The following VPS13A variants were observed in gnomAD, a reference collection of about 807,000 sequenced individuals.
VPS13A encodes intermembrane lipid transfer protein VPS13A.
A neutral mutation model predicts 390.9 loss-of-function variants in VPS13A; 264 were observed. The observed-to-expected ratio is 0.68, with a 90% confidence interval of 0.61 to 0.75. The LOEUF (loss-of-function observed/expected upper bound fraction) is 0.75. VPS13A is among the 30% of genes least tolerant of loss of function. The pLI is 0.00. For synonymous variants in VPS13A, 1,231 were observed against 1,227.1 expected (o/e 1.00, Z -0.07); for missense variants, 3,409 against 3,733.9 (o/e 0.91, Z 2.27).
intron 24 of VPS13A, among the ~76,000 whole-genome samples, chr9:77,275,167 C>T (rs1343174320): frequency 4.6e-5 from 7 of 152,006 alleles, no homozygotes; most frequent in African/African-American, 1.2e-4. Context: ...GTATAATCAT[C>T]GGCATTGGCA....
At chr9:77,303,963 G>C (rs1056556453) in intron 34 of VPS13A, among the ~76,000 whole-genome samples, 72 of 152,072 alleles carry the variant, frequency 4.7e-4, no homozygotes, top group Non-Finnish European at 2.1e-4. Context: ...ACTGCAAGAG[G>C]CTTTCCTCTT....
At position 77,207,446 on chromosome 9, in the gene VPS13A, AT is replaced by A. The variant is rs560231695; in HGVS notation, c.385+1373del. On this transcript the variant is annotated intron_variant, in intron 5 of 71. Coordinates refer to ENST00000360280, the MANE Select transcript of VPS13A (RefSeq NM_033305.3). ...ATGATGTACTATGAAGATTGACCCTATTTTTTCATCTTCTCTATATAGTTCT... is the reference window on the plus strand; with the variant it reads ...ATGATGTACTATGAAGATTGACCCTATTTTTCATCTTCTCTATATAGTTCT... Among the ~76,000 whole-genome samples the A allele has an allele frequency of 3.0e-4, 45 of 150,036 alleles. No homozygotes were observed. In the East Asian group the frequency reaches 8.4e-3, roughly 28 times the overall value.
intron 1 of VPS13A, among the ~76,000 whole-genome samples, chr9:77,187,793 A>T (rs975813791): frequency 6.6e-6 from 1 of 151,986 alleles, no homozygotes; most frequent in Admixed American, 6.6e-5. Flanking sequence ...GGTTTGATGT[A>T]TAAATTATTT....
At chr9:77,376,628 G>C (rs1210585495) in intron 67 of VPS13A, among the ~76,000 whole-genome samples, 2 of 152,170 alleles carry the variant, frequency 1.3e-5, no homozygotes, top group Non-Finnish European at 2.9e-5. Flanking sequence ...TCTTTTTAGG[G>C]AAAGGGTATT....
intron 29 of VPS13A, 93 bp downstream of exon 29, chr9:77,282,367 A>ATTCCCT (rs1310040646): frequency 1.3e-4 from 161 of 1,194,774 alleles, no homozygotes; most frequent in Non-Finnish European, 8.3e-5. Context: ...AACTTCAAAT[A>ATTCCCT]TTGGCTTCAG....
At chr9:77,305,099 C>G (rs1032617607) in intron 34 of VPS13A, among the ~76,000 whole-genome samples, 1 of 152,024 alleles carries the variant, frequency 6.6e-6, no homozygotes, top group Non-Finnish European at 1.5e-5. Context: ...CCACCGCGCC[C>G]GGCTAATTTT....
intron 52 of VPS13A, 78 bp from the exon 53 acceptor site, chr9:77,351,239 G>C: frequency 6.4e-7 from 1 of 1,550,414 alleles, no homozygotes; most frequent in Admixed American, 1.7e-5. Flanking sequence ...AAGAATTAAT[G>C]AAGTATTATT....
intron 69 of VPS13A, 127 bp from the exon 70 acceptor site, chr9:77,405,734 TAAG>T: frequency 1.7e-6 from 2 of 1,208,512 alleles, no homozygotes; most frequent in Non-Finnish European, 1.2e-6. Context: ...TTAAATTCAT[TAAG>T]AATATAGAAT....
intron 67 of VPS13A, among the ~76,000 whole-genome samples, chr9:77,375,549 A>G (rs890211167): frequency 6.6e-6 from 1 of 152,216 alleles, no homozygotes; most frequent in African/African-American, 2.4e-5. Context: ...TAATGATAAA[A>G]AGAACTAAGT....
At chr9:77,291,600 T>C (rs1232368375) in intron 31 of VPS13A, among the ~76,000 whole-genome samples, 2 of 152,150 alleles carry the variant, frequency 1.3e-5, no homozygotes, top group Non-Finnish European at 2.9e-5. Flanking sequence ...GCTCAGATTT[T>C]GCTCCGTGCT....
intron 1 of VPS13A, among the ~76,000 whole-genome samples, chr9:77,198,728 A>G (rs1468131879): frequency 6.6e-6 from 1 of 151,788 alleles, no homozygotes; most frequent in Non-Finnish European, 1.5e-5. Flanking sequence ...CAGTGGCGTG[A>G]TGTCGGCTCA....
At chr9:77,382,570 T>C (rs1833499780) in intron 68 of VPS13A, 2 of 1,131,082 alleles carry the variant, frequency 1.8e-6, no homozygotes, top group East Asian at 1.0e-4. Context: ...TGTTGTGGGG[T>C]TATTAAACCA....
Position 77,321,472 on chromosome 9 carries a change from C to CA in VPS13A, c.5575-18dup, listed in dbSNP as rs1158762965. ...ATTTTACACATTTCATTTTATTTAG[C>CA]ATAACTCTTTCTTATTAGGCATTTA... On this transcript the variant is annotated intron_variant, in intron 43 of 71. Coordinates refer to ENST00000360280, the MANE Select transcript of VPS13A (RefSeq NM_033305.3). 6.2e-7 allele frequency: 1 copy of CA among 1,612,754 alleles called. No homozygotes were observed. The highest frequency in any genetic ancestry group is 8.5e-7 in the Non-Finnish European group (1 of 1,179,202).
chr9:77,388,573 A>T (rs953044854), intron 68 of VPS13A, among the ~76,000 whole-genome samples: 8 of 152,116 alleles, frequency 5.3e-5, no homozygotes, highest in African/African-American at 1.9e-4. Context: ...GCTTTTGATG[A>T]ATCTTCTTCA....
In VPS13A at chr9:77,303,192, T is replaced by C. The variant is rs1212034243; in HGVS notation, c.3960+130T>C. 1.5e-5 allele frequency: 14 copies of C among 933,252 alleles called. No homozygotes were observed. The East Asian group carries it at 3.2e-4, about 22-fold the overall frequency. The allele number at this position is 933,252 out of a possible 1,614,324, so 57.8% of individuals were successfully genotyped here. A position where few individuals can be genotyped will look rare whatever the true frequency, so the allele number is the denominator to read the frequency against. Reference sequence around the variant, plus strand: ...TTGGTCAGAATTGAAATAGTGATTATATTAAACTAGAATTCATTTTAAAAT... The same window carrying C: ...TTGGTCAGAATTGAAATAGTGATTACATTAAACTAGAATTCATTTTAAAAT... On this transcript the variant is annotated intron_variant, in intron 34 of 71. Coordinates refer to ENST00000360280, the MANE Select transcript of VPS13A (RefSeq NM_033305.3).
intron 10 of VPS13A, among the ~76,000 whole-genome samples, chr9:77,217,966 A>G (rs1039412079): frequency 1.3e-5 from 2 of 151,664 alleles, no homozygotes; most frequent in African/African-American, 4.8e-5. Flanking sequence ...CCTCACCAAC[A>G]TGTGTCATTT....
At chr9:77,265,787 A>G (rs11521835) in intron 23 of VPS13A, among the ~76,000 whole-genome samples, 11,352 of 150,606 alleles carry the variant, frequency 0.075, 590 homozygotes, top group Non-Finnish European at 0.11. Context: ...TCGTGTCTCT[A>G]TCTCCTTCAT....
chr9:77,195,404 G>A (rs1005818371), intron 1 of VPS13A, among the ~76,000 whole-genome samples: 1 of 152,152 alleles, frequency 6.6e-6, no homozygotes, highest in African/African-American at 2.4e-5. Context: ...GATTACAGGC[G>A]TGAGCCACCT....
chr9:77,421,309 G>T lies in VPS13A; in HGVS notation c.*5303G>T, dbSNP rs1214022668. The T allele has an allele frequency of 6.6e-6, 1 of 152,160 alleles. No homozygotes were observed. Among genetic ancestry groups the T allele is most frequent in the African/African-American group, 2.4e-5 (1 of 41,432 alleles). The allele number at this position is 152,160 out of a possible 1,614,324, so 9.4% of individuals were successfully genotyped here. On this transcript the variant is annotated 3_prime_UTR_variant, in exon 72 of 72. Coordinates refer to ENST00000360280, the MANE Select transcript of VPS13A (RefSeq NM_033305.3). ...GTTACACAGCCTCTGCCTTGGTTTT[G>T]TGTATTCTAAGATAATTTATAAACA...
Sources: gnomAD v4.1 joint callset for allele counts (sites outside exome capture counted in the v4.1 genomes callset) on GRCh38, gnomAD v4.1.1 for gene constraint, MANE v1.5 for transcripts, NCBI Gene and HGNC (gene_info 2026-07-23, HGNC 2026-07-21) for gene names.